OR6N1: variants seen among roughly 807,000 people sequenced by gnomAD.
OR6N1 encodes the protein olfactory receptor family 6 subfamily N member 1, also known as olfactory receptor 6N1.
For synonymous variants in OR6N1, 170 were observed against 150.7 expected, an observed-to-expected ratio of 1.13 and a Z score of -0.94; for missense variants, 394 against 371.7, an observed-to-expected ratio of 1.06 and a Z score of -0.49.
the OR6N1 span, among the ~76,000 whole-genome samples, chr1:158,825,582 C>T: frequency 6.6e-6 from 1 of 152,104 alleles, no homozygotes; most frequent in African/African-American, 2.4e-5. Context: ...GAGAAACCAT[C>T]TCGTACCAGT....
the OR6N1 span, among the ~76,000 whole-genome samples, chr1:158,825,298 G>T: frequency 1.3e-5 from 2 of 152,062 alleles, no homozygotes; most frequent in African/African-American, 4.8e-5. Context: ...AATTAGCCAG[G>T]CATGGTGGTG....
chr1:158,834,229 C>G, the OR6N1 span, among the ~76,000 whole-genome samples: 4 of 135,832 alleles, frequency 2.9e-5, no homozygotes, highest in South Asian at 2.3e-4. Flanking sequence ...AGTCCTTTAT[C>G]AATTTTTTTT....
the OR6N1 span, among the ~76,000 whole-genome samples, chr1:158,828,776 C>T: frequency 1.3e-5 from 2 of 152,240 alleles, no homozygotes; most frequent in Non-Finnish European, 1.5e-5. Context: ...TCTGCACTGC[C>T]CTAGCAGAGG....
At chr1:158,816,953 GTCAC>G in the OR6N1 span, among the ~76,000 whole-genome samples, 1 of 152,238 alleles carries the variant, frequency 6.6e-6, no homozygotes, top group Non-Finnish European at 1.5e-5. Context: ...TCTCACCACA[GTCAC>G]TCAGTCTGCT....
the OR6N1 span, among the ~76,000 whole-genome samples, chr1:158,807,695 A>C: frequency 0.025 from 3,852 of 152,224 alleles, 182 homozygotes; most frequent in African/African-American, 0.088. Flanking sequence ...TTGCCAACCT[A>C]GTTTTCCACC....
chr1:158,798,725 A>G, the OR6N1 span, among the ~76,000 whole-genome samples: 3 of 150,880 alleles, frequency 2.0e-5, no homozygotes, highest in African/African-American at 7.3e-5. Flanking sequence ...TCTACAAATA[A>G]TTTATATATA....
the OR6N1 span, among the ~76,000 whole-genome samples, chr1:158,797,928 A>AT: frequency 3.3e-5 from 5 of 152,164 alleles, no homozygotes; most frequent in Non-Finnish European, 7.4e-5. Flanking sequence ...CTTTCTAGTG[A>AT]TTTTTTAACT....
chr1:158,825,411 C>T, the OR6N1 span, among the ~76,000 whole-genome samples: 1 of 151,456 alleles, frequency 6.6e-6, no homozygotes, highest in Non-Finnish European at 1.5e-5. Context: ...TGCACTCCAG[C>T]CTGGGCAACA....
chr1:158,791,966 T>C, the OR6N1 span, among the ~76,000 whole-genome samples: 1 of 152,334 alleles, frequency 6.6e-6, no homozygotes, highest in East Asian at 1.9e-4. Flanking sequence ...TATGCCTCGA[T>C]TATCTGTCTA....
chr1:158,776,796 T>C (rs2102014466), upstream of OR6N1: 1 of 1,614,068 alleles, frequency 6.2e-7, no homozygotes, highest in South Asian at 1.1e-5. Context: ...TTGGTGTTAG[T>C]ACGGAGTAAA....
the OR6N1 span, among the ~76,000 whole-genome samples, chr1:158,835,904 T>G: frequency 6.6e-6 from 1 of 150,572 alleles, no homozygotes; most frequent in East Asian, 1.9e-4. Flanking sequence ...TTTTTTTGTC[T>G]TTCATTCTGG....
At chr1:158,818,670 G>C in the OR6N1 span, among the ~76,000 whole-genome samples, 3 of 152,202 alleles carry the variant, frequency 2.0e-5, no homozygotes, top group Admixed American at 2.0e-4. Flanking sequence ...AATATGCAAT[G>C]CGCCTGGGAA....
chr1:158,777,009 G>C, upstream of OR6N1: 3 of 1,614,144 alleles, frequency 1.9e-6, no homozygotes, highest in Non-Finnish European at 2.5e-6. Flanking sequence ...AGAAGAAAGT[G>C]ATAAGAATTA....
the OR6N1 span, among the ~76,000 whole-genome samples, chr1:158,823,730 G>A: frequency 6.6e-6 from 1 of 150,552 alleles, no homozygotes; most frequent in Non-Finnish European, 1.5e-5. Context: ...CTCTGATTTT[G>A]GTTATTTCTT....
chr1:158,798,325 CTTAG>C, the OR6N1 span, among the ~76,000 whole-genome samples: 11,039 of 151,104 alleles, frequency 0.073, 546 homozygotes, highest in African/African-American at 0.14. Flanking sequence ...AACTTGAATG[CTTAG>C]TTAATTAATT....
chr1:158,780,059 T>A, the OR6N1 span, among the ~76,000 whole-genome samples: 242 of 152,282 alleles, frequency 1.6e-3, no homozygotes, highest in South Asian at 0.027. Context: ...CCTGAACACA[T>A]CCCTTTTGTT....
rs857822 is a variant in OR6N1 at position 158,765,257 on chromosome 1, C to T, written c.*487G>A. ...GTAATTAGCAAGTGACTGAATAAAA[C>T]ATGATTTAAATCCAGATATATATGA... On this transcript the variant is annotated 3_prime_UTR_variant, in exon 2 of 2. Coordinates refer to ENST00000641846, the MANE Select transcript of OR6N1 (RefSeq NM_001005185.2). 109,547 of 152,072 alleles carry T rather than the reference C, an allele frequency of 0.72. 39,685 individuals are homozygous for T. The highest frequency in any genetic ancestry group is 0.78 in the African/African-American group (32,151 of 41,436). The allele number at this position is 152,072 out of a possible 1,614,324, so 9.4% of individuals were successfully genotyped here.
chr1:158,766,678 T>C lies in OR6N1; in HGVS notation c.5A>G (p.Asp2Gly), dbSNP rs370118220. The part of the protein sequence containing the change: M[D>G]TGNWSQVAEF... Reference sequence around the variant, plus strand: ...TGCTACCTGGCTCCAGTTCCCTGTGTCCATTGCTCACCATTCATGTCCCTA... The same window carrying C: ...TGCTACCTGGCTCCAGTTCCCTGTGCCCATTGCTCACCATTCATGTCCCTA... Residue 2 changes from aspartate (D) to glycine (G), a missense_variant, in exon 2 of 2, where the codon GAC (aspartate) becomes GGC (glycine). By Grantham distance (94) the Asp-to-Gly change is moderately conservative. Coordinates refer to ENST00000641846, the MANE Select transcript of OR6N1 (RefSeq NM_001005185.2). The C allele has an allele frequency of 3.2e-5, 51 of 1,606,486 alleles. No individual in the cohort carries two copies. The highest frequency in any genetic ancestry group is 4.0e-5 in the Non-Finnish European group (47 of 1,176,960).
At chr1:158,814,323 TACATATATAC>T in the OR6N1 span, among the ~76,000 whole-genome samples, 5 of 152,210 alleles carry the variant, frequency 3.3e-5, no homozygotes, top group African/African-American at 7.2e-5. Flanking sequence ...TGTATGTATA[TACATATATAC>T]ACATATATAC....
Sources: gnomAD v4.1 joint callset for allele counts (sites outside exome capture counted in the v4.1 genomes callset) on GRCh38, gnomAD v4.1.1 for gene constraint, MANE v1.5 for transcripts, NCBI Gene and HGNC (gene_info 2026-07-23, HGNC 2026-07-21) for gene names.